Variants in CNBD1 observed in about 807,000 individuals in gnomAD.
The protein encoded by CNBD1 is cyclic nucleotide binding domain containing 1, also known as cyclic nucleotide-binding domain-containing protein 1.
A neutral mutation model predicts 54.4 loss-of-function variants in CNBD1; 71 were observed. The ratio of observed to expected loss-of-function variants is 1.30; its 90% CI spans 1.08 to 1.59. CNBD1 has a LOEUF of 1.59. Ranked by LOEUF, CNBD1 falls within the 40% of genes most tolerant of loss-of-function variation. CNBD1 has a pLI of 0.00. For missense variants in CNBD1, 659 were observed against 518.0 expected, an observed-to-expected ratio of 1.27 and a Z score of -2.64; for synonymous variants, 182 against 170.7, an observed-to-expected ratio of 1.07 and a Z score of -0.51.
chr8:87,337,278 C>T (rs75739209), intron 8 of CNBD1, among the ~76,000 whole-genome samples: 1,898 of 152,184 alleles, frequency 0.012, 47 homozygotes, highest in African/African-American at 0.043. Flanking sequence ...CTGGGCTGCC[C>T]GGAGTTATCA....
intron 2 of CNBD1, among the ~76,000 whole-genome samples, chr8:87,407,776 T>C (rs879564173): frequency 4.6e-5 from 7 of 152,028 alleles, no homozygotes; most frequent in Non-Finnish European, 1.0e-4. Flanking sequence ...AAAATACATG[T>C]ATTTGTATTA....
chr8:87,376,659 T>C (rs1172651654), intron 10 of CNBD1, among the ~76,000 whole-genome samples: 1 of 151,938 alleles, frequency 6.6e-6, no homozygotes, highest in Non-Finnish European at 1.5e-5. Flanking sequence ...AAAGCAGTGA[T>C]TATTTACTAT....
chr8:87,125,003 A>G (rs1811962638), intron 4 of CNBD1, among the ~76,000 whole-genome samples: 1 of 151,788 alleles, frequency 6.6e-6, no homozygotes, highest in African/African-American at 2.4e-5. Context: ...GTATATACTA[A>G]TAACAAATTA....
chr8:86,928,825 G>A (rs540150394), intron 3 of CNBD1, among the ~76,000 whole-genome samples: 1 of 152,322 alleles, frequency 6.6e-6, no homozygotes, highest in South Asian at 2.1e-4. Context: ...CCTGTAAATA[G>A]GGATTTGGCC....
chr8:87,224,612 A>T (rs368951389), intron 5 of CNBD1, among the ~76,000 whole-genome samples: 1,526 of 150,742 alleles, frequency 0.01, 28 homozygotes, highest in African/African-American at 0.036. Context: ...ATCTCTGTTT[A>T]GGTACCAGTA....
intron 4 of CNBD1, among the ~76,000 whole-genome samples, chr8:87,137,664 G>C (rs62527289): frequency 1.3e-5 from 2 of 151,838 alleles, no homozygotes; most frequent in Non-Finnish European, 2.9e-5. Context: ...GTTAAAGGAG[G>C]AGCAGTGGTT....
chr8:87,114,001 G>T (rs1811720608), intron 4 of CNBD1, among the ~76,000 whole-genome samples: 2 of 152,144 alleles, frequency 1.3e-5, no homozygotes, highest in Admixed American at 1.3e-4. Flanking sequence ...TCATAATAAT[G>T]CTGTATTAAT....
intron 1 of CNBD1, among the ~76,000 whole-genome samples, chr8:86,870,527 T>C (rs1228611610): frequency 6.6e-6 from 1 of 152,164 alleles, no homozygotes; most frequent in Non-Finnish European, 1.5e-5. Flanking sequence ...CGAATGTTTT[T>C]CTTCGCTCTT....
intron 8 of CNBD1, among the ~76,000 whole-genome samples, chr8:87,320,931 A>G (rs958456354): frequency 6.6e-6 from 1 of 152,150 alleles, no homozygotes; most frequent in African/African-American, 2.4e-5. Context: ...TGGCTATTTT[A>G]GACACCTCAT....
chr8:87,293,262 A>G (rs1808818119), intron 8 of CNBD1, among the ~76,000 whole-genome samples: 1 of 152,150 alleles, frequency 6.6e-6, no homozygotes. Context: ...ACTTAAAGTC[A>G]GGCCGGACAC....
intron 6 of CNBD1, among the ~76,000 whole-genome samples, chr8:87,239,709 T>C (rs1586355679): frequency 6.6e-6 from 1 of 152,290 alleles, no homozygotes; most frequent in East Asian, 1.9e-4. Flanking sequence ...AGATAATGTA[T>C]AGTTGTGAAT....
intron 8 of CNBD1, among the ~76,000 whole-genome samples, chr8:87,301,967 A>G (rs1453548262): frequency 1.3e-5 from 2 of 152,172 alleles, no homozygotes; most frequent in Non-Finnish European, 2.9e-5. Context: ...ATAGACCAAT[A>G]ACAGGCTCTG....
chr8:87,307,294 G>C (rs1430873545), intron 8 of CNBD1, among the ~76,000 whole-genome samples: 1 of 152,200 alleles, frequency 6.6e-6, no homozygotes, highest in Admixed American at 6.6e-5. Flanking sequence ...GGCATTAATT[G>C]ACGTACATGA....
intron 10 of CNBD1, among the ~76,000 whole-genome samples, chr8:87,362,415 C>A (rs1028967779): frequency 6.6e-6 from 1 of 152,042 alleles, no homozygotes; most frequent in African/African-American, 2.4e-5. Flanking sequence ...CTTGTTCATC[C>A]AACAGACAGT....
chr8:87,189,703 T>A (rs907855592), intron 4 of CNBD1, among the ~76,000 whole-genome samples: 6 of 152,180 alleles, frequency 3.9e-5, no homozygotes, highest in African/African-American at 1.4e-4. Context: ...GTGCCTCTGA[T>A]GTGTGCACTC....
chr8:87,205,460 T>A (rs765442742), intron 4 of CNBD1, among the ~76,000 whole-genome samples: 1 of 152,184 alleles, frequency 6.6e-6, no homozygotes, highest in Non-Finnish European at 1.5e-5. Context: ...TAAAAATAAA[T>A]AATAAATACC....
intron 4 of CNBD1, among the ~76,000 whole-genome samples, chr8:87,076,912 C>T (rs1337444013): frequency 1.3e-5 from 2 of 152,186 alleles, no homozygotes; most frequent in Admixed American, 6.5e-5. Flanking sequence ...GACTGTCTTG[C>T]ATCATTGCAC....
chr8:87,176,610 G>A (rs1352318514), intron 4 of CNBD1, among the ~76,000 whole-genome samples: 8 of 149,614 alleles, frequency 5.3e-5, no homozygotes, highest in Non-Finnish European at 8.9e-5. Flanking sequence ...CCAGCCTCCC[G>A]ATTAGCTGGG....
At chr8:87,416,247 A>G (rs76967648) in intron 2 of CNBD1, among the ~76,000 whole-genome samples, 2,764 of 152,160 alleles carry the variant, frequency 0.018, 84 homozygotes, top group African/African-American at 0.06. Context: ...AGATAAAAAT[A>G]AGTAGAAAGC....
Sources: allele counts gnomAD v4.1 joint callset (sites outside exome capture counted in the v4.1 genomes callset), GRCh38; gene constraint gnomAD v4.1.1; transcripts MANE v1.5; gene names NCBI Gene and HGNC (gene_info 2026-07-23, HGNC 2026-07-21).